Variants in NUP93 observed in about 807,000 individuals in gnomAD.
The protein encoded by NUP93 is nuclear pore complex protein Nup93.
In NUP93, 55 loss-of-function variants were observed where a neutral mutation model predicts 107.8. The observed-to-expected ratio is 0.51, with a 90% CI of 0.41 to 0.64. NUP93 has a LOEUF of 0.64. Among genes scored for constraint, NUP93 ranks in the 30% least tolerant of loss-of-function variants. The pLI, the probability that NUP93 is intolerant of heterozygous loss-of-function variation, is 0.00. For synonymous variants in NUP93, 390 were observed against 397.5 expected, an observed-to-expected ratio of 0.98 and a Z score of 0.22; for missense variants, 937 against 1,044.7, an observed-to-expected ratio of 0.90 and a Z score of 1.42.
In NUP93 at chr16:56,805,492, C is replaced by CCTTT; in HGVS notation, c.361-9_361-6dup. On this transcript the variant is annotated splice_polypyrimidine_tract_variant and intron_variant, in intron 4 of 21. Transcript: ENST00000308159. The stretch of plus-strand genomic sequence containing the variant: ...TTCCTGAGGGTCATTGTTCTCTGTT[C>CCTTT]CTTTCTGGCAGACCTTCGGCATGGC... 1 of 1,613,092 alleles carries CCTTT rather than the reference C, an allele frequency of 6.2e-7. No homozygotes were observed. The highest frequency in any genetic ancestry group is 8.5e-7 in the Non-Finnish European group (1 of 1,179,424).
chr16:56,821,244 C>T (rs925459247), intron 6 of NUP93, among the ~76,000 whole-genome samples: 7 of 152,178 alleles, frequency 4.6e-5, no homozygotes, highest in Non-Finnish European at 1.0e-4. Context: ...AGGACAGAGG[C>T]ACAGACCTGC....
intron 3 of NUP93, among the ~76,000 whole-genome samples, chr16:56,765,466 G>A (rs1192249822): frequency 6.6e-6 from 1 of 152,170 alleles, no homozygotes; most frequent in Non-Finnish European, 1.5e-5. Flanking sequence ...GGGCTCAGTA[G>A]GAGTGATGAA....
At chr16:56,740,356 G>T (rs1961707049) in intron 1 of NUP93, among the ~76,000 whole-genome samples, 1 of 150,766 alleles carries the variant, frequency 6.6e-6, no homozygotes, top group African/African-American at 2.4e-5. Context: ...CGGGGTCTCG[G>T]CCGGGCAGAG....
intron 9 of NUP93, 30 bp from the exon 10 acceptor site, chr16:56,830,498 A>G (rs1963758473): frequency 1.3e-6 from 2 of 1,529,138 alleles, no homozygotes; most frequent in Non-Finnish European, 1.8e-6. Flanking sequence ...TTCCTTGTTT[A>G]TTTTGAGCAC....
intron 20 of NUP93, chr16:56,840,039 A>C: frequency 5.7e-6 from 1 of 174,634 alleles, no homozygotes; most frequent in South Asian, 1.2e-4. Flanking sequence ...TGTTTTTGAA[A>C]CGGAGGAGTC....
chr16:56,775,986 T>C (rs1393927621), intron 3 of NUP93, among the ~76,000 whole-genome samples: 3 of 152,134 alleles, frequency 2.0e-5, no homozygotes, highest in Non-Finnish European at 4.4e-5. Flanking sequence ...TCATTTTTAC[T>C]CTGGTTATTT....
At chr16:56,826,238 G>A (rs1447383317) in intron 8 of NUP93, among the ~76,000 whole-genome samples, 8 of 152,108 alleles carry the variant, frequency 5.3e-5, no homozygotes, top group Non-Finnish European at 1.0e-4. Context: ...CAGGCCGGGC[G>A]CAGTGGCTCA....
In NUP93 at chr16:56,849,796, A is replaced by T. The variant is rs1964155784; in HGVS notation, c.*5187A>T. On this transcript the variant is annotated 3_prime_UTR_variant, in exon 22 of 22. Transcript: ENST00000308159. ...TTCAGGCCTGCCACGGGCTGCCGGG[A>T]GCTCTCTAGTGGAATTGGATTACCC... 2 of 152,036 alleles carry T rather than the reference A, an allele frequency of 1.3e-5. No homozygotes were observed. Among genetic ancestry groups the T allele is most frequent in the South Asian group, 4.1e-4 (2 of 4,822 alleles). The allele number at this position is 152,036 out of a possible 1,614,324, so 9.4% of individuals were successfully genotyped here. A position where few individuals can be genotyped will look rare whatever the true frequency, so the allele number is the denominator to read the frequency against.
intron 2 of NUP93, among the ~76,000 whole-genome samples, chr16:56,748,914 T>C (rs1188864317): frequency 6.6e-6 from 1 of 152,194 alleles, no homozygotes; most frequent in African/African-American, 2.4e-5. Context: ...GTCTGCTTGT[T>C]GTCAGTGACC....
At chr16:56,749,836 A>AT (rs1178717744) in intron 2 of NUP93, among the ~76,000 whole-genome samples, 2 of 151,882 alleles carry the variant, frequency 1.3e-5, no homozygotes, top group African/African-American at 4.8e-5. Flanking sequence ...CCTGGCAGGG[A>AT]TTTTTTACCC....
chr16:56,827,635 A>G (rs1251743992), intron 8 of NUP93, among the ~76,000 whole-genome samples: 1 of 152,188 alleles, frequency 6.6e-6, no homozygotes. Flanking sequence ...GCTACTGGCA[A>G]AAAAATTGAA....
At chr16:56,798,687 G>T in intron 4 of NUP93, 149 bp downstream of exon 4, 1 of 660,436 alleles carries the variant, frequency 1.5e-6, no homozygotes, top group Non-Finnish European at 2.7e-6. Flanking sequence ...AGGCAACATA[G>T]TGAGACCCCA....
At position 56,848,521 on chromosome 16, in the gene NUP93, T is replaced by A. The variant is rs1191197413; in HGVS notation, c.*3912T>A. ...TTATCCTACGCTGAATCCACAAGTC[T>A]TCCCATCTTCCACCATCTTCTGACA... On this transcript the variant is annotated 3_prime_UTR_variant, in exon 22 of 22. Coordinates refer to ENST00000308159, the MANE Select transcript of NUP93 (RefSeq NM_014669.5). 2.0e-5 allele frequency: 3 copies of A among 152,234 alleles called. No homozygotes were observed. The highest frequency in any genetic ancestry group is 4.8e-5 in the African/African-American group (2 of 41,452). The allele number at this position is 152,234 out of a possible 1,614,324, so 9.4% of individuals were successfully genotyped here.
At chr16:56,753,511 CAA>C (rs1961961820) in intron 2 of NUP93, among the ~76,000 whole-genome samples, 1 of 152,216 alleles carries the variant, frequency 6.6e-6, no homozygotes, top group Non-Finnish European at 1.5e-5. Context: ...GCATCAGCAT[CAA>C]CCATGAGCTT....
At chr16:56,839,233 C>CTTTTTTTTTTTT (rs71152206) in intron 19 of NUP93, 164 bp downstream of exon 19, 1 of 52,778 alleles carries the variant, frequency 1.9e-5, no homozygotes, top group Non-Finnish European at 3.3e-5. Context: ...TCCTGTGTGG[C>CTTTTTTTTTTTT]TTTTTTTTTT....
At chr16:56,739,547 C>T (rs771288859) in intron 1 of NUP93, among the ~76,000 whole-genome samples, 7,084 of 63,774 alleles carry the variant, frequency 0.11, 7 homozygotes, top group Admixed American at 0.15. Flanking sequence ...ACCTCCCTCC[C>T]GGACGGGGCG....
intron 2 of NUP93, among the ~76,000 whole-genome samples, chr16:56,749,087 A>G (rs1961872244): frequency 6.6e-6 from 1 of 152,160 alleles, no homozygotes; most frequent in Non-Finnish European, 1.5e-5. Context: ...TTGATTCCAC[A>G]AACGTGTTTA....
intron 3 of NUP93, among the ~76,000 whole-genome samples, chr16:56,790,455 AGCTAATGAAAAGCGAGT>A (rs1358771316): frequency 6.6e-6 from 1 of 152,170 alleles, no homozygotes; most frequent in African/African-American, 2.4e-5. Flanking sequence ...CACAAAAGGG[AGCTAATGAAAAGCGAGT>A]CCACACCGTC....
intron 5 of NUP93, among the ~76,000 whole-genome samples, chr16:56,807,306 C>G (rs1963164307): frequency 6.6e-6 from 1 of 152,230 alleles, no homozygotes; most frequent in African/African-American, 2.4e-5. Flanking sequence ...ATTGCCATCT[C>G]AGACCTTCCA....
Sources: allele counts gnomAD v4.1 joint callset (sites outside exome capture counted in the v4.1 genomes callset), GRCh38; gene constraint gnomAD v4.1.1; transcripts MANE v1.5; gene names NCBI Gene and HGNC (gene_info 2026-07-23, HGNC 2026-07-21).